PLEKHH2: variants seen among roughly 807,000 people sequenced by gnomAD.
PLEKHH2 encodes pleckstrin homology domain-containing family H member 2.
A neutral mutation model predicts 187.9 loss-of-function variants in PLEKHH2; 129 were observed. That is an observed-to-expected ratio of 0.69 (90% CI 0.59 to 0.79). The LOEUF (loss-of-function observed/expected upper bound fraction) is 0.79, where lower values mean the gene tolerates loss of function less well. PLEKHH2 is among the 30% of genes least tolerant of loss of function. The pLI is 0.00. For missense variants in PLEKHH2, 2,076 were observed against 1,751.2 expected (o/e 1.19, Z -3.31); for synonymous variants, 686 against 605.6 (o/e 1.13, Z -1.95).
intron 1 of PLEKHH2, among the ~76,000 whole-genome samples, chr2:43,640,963 T>TG (rs1416966206): frequency 1.3e-4 from 20 of 149,546 alleles, no homozygotes; most frequent in Non-Finnish European, 2.8e-4. Context: ...TTTTTTTTTT[T>TG]TTTTTTTTTA....
At chr2:43,666,330 G>A (rs1213550826) in intron 2 of PLEKHH2, among the ~76,000 whole-genome samples, 1 of 151,402 alleles carries the variant, frequency 6.6e-6, no homozygotes, top group Admixed American at 6.5e-5. Context: ...CCCTGCTTCG[G>A]CTCGCGCACG....
At chr2:43,693,723 C>CAAAAAAAA (rs70965316) in intron 4 of PLEKHH2, among the ~76,000 whole-genome samples, 9 of 69,678 alleles carry the variant, frequency 1.3e-4, no homozygotes, top group Non-Finnish European at 2.0e-4. Context: ...GACTCCATCT[C>CAAAAAAAA]AAAAAAAAAA....
At chr2:43,724,480 C>G (rs1230504752) in intron 16 of PLEKHH2, among the ~76,000 whole-genome samples, 1 of 152,196 alleles carries the variant, frequency 6.6e-6, no homozygotes, top group Non-Finnish European at 1.5e-5. Context: ...AGTTTTACAA[C>G]AGATAGGCCA....
At position 43,700,506 on chromosome 2, in the gene PLEKHH2, C is replaced by T; in HGVS notation, c.1548C>T (p.Ser516=). 1 of 1,614,050 alleles carries T rather than the reference C, an allele frequency of 6.2e-7. No homozygotes were observed. The highest frequency in any genetic ancestry group is 8.5e-7 in the Non-Finnish European group (1 of 1,180,030). Residue 516 remains serine, a synonymous_variant, in exon 8 of 30, where the codon TCC becomes TCT. Transcript: ENST00000282406. ...ATGATGGATTATTTTCCTATGACTC[C>T]TTGGACTCTCCAAATTCAGATGACC... The part of the protein sequence containing the change: ...SCDDGLFSYD[S]LDSPNSDDQE...
intron 2 of PLEKHH2, among the ~76,000 whole-genome samples, chr2:43,672,395 T>C (rs1271214496): frequency 2.6e-5 from 4 of 152,216 alleles, no homozygotes; most frequent in Non-Finnish European, 5.9e-5. Context: ...CTAATCTTTA[T>C]TGTTAGTTTT....
chr2:43,646,212 C>A (rs568409830), intron 2 of PLEKHH2, among the ~76,000 whole-genome samples: 1 of 152,248 alleles, frequency 6.6e-6, no homozygotes, highest in African/African-American at 2.4e-5. Flanking sequence ...TTGAGTATCT[C>A]CAAGTTGGAG....
chr2:43,671,212 C>A (rs951956751), intron 2 of PLEKHH2, among the ~76,000 whole-genome samples: 1 of 152,058 alleles, frequency 6.6e-6, no homozygotes, highest in African/African-American at 2.4e-5. Flanking sequence ...GTCTAGAACT[C>A]CTGACCTCAG....
intron 18 of PLEKHH2, among the ~76,000 whole-genome samples, chr2:43,731,110 A>G (rs1354911664): frequency 6.6e-6 from 1 of 152,178 alleles, no homozygotes; most frequent in South Asian, 2.1e-4. Flanking sequence ...GAATGACACA[A>G]TAGACTTTGG....
chr2:43,638,534 G>A (rs1703226854), intron 1 of PLEKHH2, among the ~76,000 whole-genome samples: 1 of 152,078 alleles, frequency 6.6e-6, no homozygotes, highest in Non-Finnish European at 1.5e-5. Flanking sequence ...AAATCACTGG[G>A]GGTATTTGGA....
intron 8 of PLEKHH2, among the ~76,000 whole-genome samples, chr2:43,702,364 G>A (rs1457994940): frequency 6.6e-6 from 1 of 152,098 alleles, no homozygotes; most frequent in African/African-American, 2.4e-5. Context: ...ATTTTGGATA[G>A]CACAGGAAAG....
At position 43,752,008 on chromosome 2, in the gene PLEKHH2, C is replaced by T. The variant is rs1261024353; in HGVS notation, c.3654-1611C>T. 3.3e-5 allele frequency among the ~76,000 whole-genome samples: 5 copies of T among 150,992 alleles called. No individual in the cohort carries two copies. The East Asian group carries it at 9.7e-4, about 29-fold the overall frequency. ...TGCCTGCTGGGAATAAGAGAAAATG[C>T]ACTTAAGCTCTTCTTGCCTGTAACC... On this transcript the variant is annotated intron_variant, in intron 24 of 29. Transcript: ENST00000282406.
chr2:43,707,707 CTCT>C (rs933773929), intron 11 of PLEKHH2, among the ~76,000 whole-genome samples, 162 bp downstream of exon 11: 10 of 151,740 alleles, frequency 6.6e-5, no homozygotes, highest in African/African-American at 2.2e-4. Context: ...ATTCCTAATT[CTCT>C]TCTTAATTCT....
intron 3 of PLEKHH2, among the ~76,000 whole-genome samples, chr2:43,686,492 C>T (rs577384427): frequency 8.6e-4 from 131 of 152,280 alleles, no homozygotes; most frequent in African/African-American, 3.0e-3. Flanking sequence ...CCACTGTGCC[C>T]GGCCTGAAGT....
chr2:43,689,120 G>A (rs946589799), intron 3 of PLEKHH2, among the ~76,000 whole-genome samples: 1 of 152,172 alleles, frequency 6.6e-6, no homozygotes, highest in Non-Finnish European at 1.5e-5. Flanking sequence ...ATATTCCAGG[G>A]CATCAGAGGT....
chr2:43,706,857 C>G (rs1052660974), intron 10 of PLEKHH2, among the ~76,000 whole-genome samples: 2 of 152,230 alleles, frequency 1.3e-5, no homozygotes, highest in South Asian at 2.1e-4. Context: ...CAGGGTTTAA[C>G]AACATGATTT....
chr2:43,681,122 C>G (rs1008779999), intron 3 of PLEKHH2: 7 of 918,956 alleles, frequency 7.6e-6, no homozygotes, highest in East Asian at 7.4e-5. Context: ...GGTTGTGAAA[C>G]CAAGTCAAGG....
chr2:43,744,091 C>G, intron 23 of PLEKHH2, 102 bp downstream of exon 23: 1 of 1,473,028 alleles, frequency 6.8e-7, no homozygotes, highest in Non-Finnish European at 9.0e-7. Context: ...CAGGAGTTTT[C>G]CAAAACTTTA....
At position 43,678,898 on chromosome 2, in the gene PLEKHH2, A is replaced by T; in HGVS notation, c.159A>T (p.Glu53Asp). ...TTGAGAGACAAGTTATTGATGCTGA[A>T]CGTCAAGCAGAAAAAGCTTTTCAAC... ...QQLERQVIDA[E>D]RQAEKAFQQV... The change falls in exon 3 of 30, where the codon GAA becomes GAT. Residue 53 changes from glutamate to aspartate, a missense_variant. Physicochemically the swap from Glu to Asp is conservative, Grantham distance 45. Coordinates refer to ENST00000282406, the MANE Select transcript of PLEKHH2 (RefSeq NM_172069.4). The T allele has an allele frequency of 6.2e-7, 1 of 1,609,386 alleles. No individual in the cohort carries two copies. Among genetic ancestry groups the T allele is most frequent in the Non-Finnish European group, 8.5e-7 (1 of 1,176,912 alleles).
At position 43,738,425 on chromosome 2, in the gene PLEKHH2, T is replaced by C; in HGVS notation, c.3028T>C (p.Cys1010Arg). Residue 1010 changes from cysteine (C) to arginine (R), a missense_variant, in exon 20 of 30, where the codon TGC becomes CGC. Coordinates refer to ENST00000282406, the MANE Select transcript of PLEKHH2 (RefSeq NM_172069.4). ...ISLAQSALQI[C>R]LTHPELQNEI... ...TTTAGCCCAGAGTGCTTTGCAAATC[T>C]GCCTGACACATCCTGAGCTGCAGAA... 1 of 1,614,114 alleles carries C rather than the reference T, an allele frequency of 6.2e-7. No individual in the cohort carries two copies. The highest frequency in any genetic ancestry group is 8.5e-7 in the Non-Finnish European group (1 of 1,179,982).
Sources: allele counts gnomAD v4.1 joint callset (sites outside exome capture counted in the v4.1 genomes callset), GRCh38; gene constraint gnomAD v4.1.1; transcripts MANE v1.5; gene names NCBI Gene and HGNC (gene_info 2026-07-23, HGNC 2026-07-21).